LRFN2: variants seen among roughly 807,000 people sequenced by gnomAD.
The protein encoded by LRFN2 is leucine-rich repeat and fibronectin type-III domain-containing protein 2.
A neutral mutation model predicts 37.3 loss-of-function variants in LRFN2; 18 were observed. The observed-to-expected ratio is 0.48, with a 90% CI of 0.33 to 0.72. The LOEUF (loss-of-function observed/expected upper bound fraction) is 0.72, where lower values mean the gene tolerates loss of function less well. LRFN2 is among the 30% of genes least tolerant of loss of function. The pLI, the probability that LRFN2 is intolerant of heterozygous loss-of-function variation, is 0.02. For synonymous variants in LRFN2, 556 were observed against 466.6 expected (o/e 1.19, Z -2.47); for missense variants, 1,006 against 1,060.7 (o/e 0.95, Z 0.72).
At chr6:40,457,030 C>G (rs1482657856) in intron 1 of LRFN2, among the ~76,000 whole-genome samples, 1 of 152,088 alleles carries the variant, frequency 6.6e-6, no homozygotes, top group Non-Finnish European at 1.5e-5. Flanking sequence ...TCCAACCATC[C>G]CAAACCACCT....
Position 40,392,881 on chromosome 6 carries a change from C to A in LRFN2, c.1432G>T (p.Val478Phe). 6.2e-7 allele frequency: 1 copy of A among 1,612,106 alleles called. No homozygotes were observed. The highest frequency in any genetic ancestry group is 8.5e-7 in the Non-Finnish European group (1 of 1,179,082). ...CCAGTCCCTGACACCAGGTTGTTGA[C>A]CACGAAGGCCTTGTTGGAGGCTGGG... ...MIPASNKAFV[V>F]NNLVSGTGYD... The change falls in exon 3 of 3, where the codon GTC becomes TTC. Residue 478 changes from valine (V) to phenylalanine (F), a missense_variant. Physicochemically the swap from Val to Phe is conservative, Grantham distance 50. Coordinates refer to ENST00000338305, the MANE Select transcript of LRFN2 (RefSeq NM_020737.3). The surrounding 1 kb of genome is among the most constrained non-coding windows in gnomAD (Gnocchi z 4.7).
rs571947610 is a variant in LRFN2 at position 40,431,708 on chromosome 6, G to T, written c.1400+6C>A. 2.5e-5 allele frequency: 37 copies of T among 1,501,838 alleles called. No individual in the cohort carries two copies. The East Asian group carries it at 7.2e-4, about 29-fold the overall frequency. 93.0% of individuals were successfully genotyped at this position (1,501,838 alleles called of 1,614,324 possible). ...CTCCCTGCCTTTGCCACAGCCGCTT[G>T]CTCACCTGTAAATCAGTACCTCATC... On this transcript the variant is annotated splice_donor_region_variant and intron_variant, in intron 2 of 2. Coordinates refer to ENST00000338305, the MANE Select transcript of LRFN2 (RefSeq NM_020737.3).
intron 1 of LRFN2, among the ~76,000 whole-genome samples, chr6:40,565,432 T>A (rs1407882615): frequency 1.3e-5 from 2 of 152,234 alleles, no homozygotes; most frequent in East Asian, 3.9e-4. Context: ...GCCAAGTCAA[T>A]CCTAAGCCAA....
intron 1 of LRFN2, among the ~76,000 whole-genome samples, chr6:40,470,134 A>G (rs1764558464): frequency 6.6e-6 from 1 of 152,134 alleles, no homozygotes; most frequent in African/African-American, 2.4e-5. Flanking sequence ...ACATCTCCCC[A>G]TCCTGCCTGC....
intron 2 of LRFN2, among the ~76,000 whole-genome samples, chr6:40,411,600 C>G (rs990221274): frequency 1.3e-5 from 2 of 152,182 alleles, no homozygotes; most frequent in African/African-American, 4.8e-5. Flanking sequence ...TTCAGCCACC[C>G]TGGCCTCTTC....
At chr6:40,435,155 G>C (rs1406365794) in intron 1 of LRFN2, among the ~76,000 whole-genome samples, 11 of 64,856 alleles carry the variant, frequency 1.7e-4, no homozygotes, top group African/African-American at 3.1e-4. Flanking sequence ...TATATATACA[G>C]AGAGAGAGAG....
chr6:40,499,261 A>T (rs1395575401), intron 1 of LRFN2, among the ~76,000 whole-genome samples: 1 of 152,148 alleles, frequency 6.6e-6, no homozygotes. Context: ...CCATCTCCCC[A>T]GCCCTGATGA....
At chr6:40,543,314 A>G (rs1419387675) in intron 1 of LRFN2, among the ~76,000 whole-genome samples, 1 of 152,236 alleles carries the variant, frequency 6.6e-6, no homozygotes, top group African/African-American at 2.4e-5. Flanking sequence ...CCCAGGACAC[A>G]CAGAAATTAT....
chr6:40,409,959 C>T (rs1038290006), intron 2 of LRFN2, among the ~76,000 whole-genome samples: 2 of 152,286 alleles, frequency 1.3e-5, no homozygotes, highest in East Asian at 1.9e-4. Flanking sequence ...CTCAGCACTT[C>T]GCTGGGCTGT....
At chr6:40,532,954 T>A (rs942629129) in intron 1 of LRFN2, among the ~76,000 whole-genome samples, 3 of 152,172 alleles carry the variant, frequency 2.0e-5, no homozygotes, top group African/African-American at 7.2e-5. Context: ...ATGGGTCAAG[T>A]ACCAAGAAGT....
rs12110865 is a variant in LRFN2 at position 40,455,264 on chromosome 6, C to A, written c.-18-22133G>T. ...ATGCAATGCCTGTGCATCTCTGAGA[C>A]TACTTTGCACCACTCTACCAAACAC... On this transcript the variant is annotated intron_variant, in intron 1 of 2. Transcript: ENST00000338305. Among the ~76,000 whole-genome samples the A allele has an allele frequency of 8.9e-4, 135 of 152,344 alleles. 1 individual carries two copies. Among genetic ancestry groups the A allele is most frequent in the African/African-American group, 3.2e-3 (133 of 41,590 alleles).
intron 1 of LRFN2, among the ~76,000 whole-genome samples, chr6:40,553,191 C>T (rs943003364): frequency 2.0e-5 from 3 of 152,150 alleles, no homozygotes; most frequent in African/African-American, 7.2e-5. Context: ...AGAAAGAAGC[C>T]TCTAGGTGGC....
At chr6:40,442,961 G>A (rs1763875447) in intron 1 of LRFN2, among the ~76,000 whole-genome samples, 1 of 152,188 alleles carries the variant, frequency 6.6e-6, no homozygotes, top group South Asian at 2.1e-4. Context: ...GTTATTATGT[G>A]TGTGGTGTAA....
intron 1 of LRFN2, among the ~76,000 whole-genome samples, chr6:40,434,330 T>G (rs1226412391): frequency 6.6e-6 from 1 of 152,212 alleles, no homozygotes; most frequent in Non-Finnish European, 1.5e-5. Flanking sequence ...TCCCATGTTG[T>G]ACTAAATGTG....
At chr6:40,495,981 A>G (rs998993258) in intron 1 of LRFN2, among the ~76,000 whole-genome samples, 3 of 152,144 alleles carry the variant, frequency 2.0e-5, no homozygotes, top group African/African-American at 7.2e-5. Context: ...ACAGAAAAAT[A>G]CATTCCCTCT....
chr6:40,403,433 G>C lies in LRFN2; in HGVS notation c.1401-10521C>G, dbSNP rs529283471. 6.7e-3 allele frequency among the ~76,000 whole-genome samples: 1,022 copies of C among 152,288 alleles called. 2 individuals are homozygous for C. Among genetic ancestry groups the C allele is most frequent in the Non-Finnish European group, 0.012 (798 of 68,032 alleles). The stretch of plus-strand genomic sequence containing the variant: ...TGGGGCCAGGGACCAGAGGCCTGGG[G>C]TTGGGGGCTGGCCTCTGTCCCTGTT... On this transcript the variant is annotated intron_variant, in intron 2 of 2. Transcript: ENST00000338305.
At chr6:40,448,954 T>C (rs1035387199) in intron 1 of LRFN2, among the ~76,000 whole-genome samples, 2 of 152,152 alleles carry the variant, frequency 1.3e-5, no homozygotes, top group Non-Finnish European at 2.9e-5. Flanking sequence ...GAAGTCAGGC[T>C]AGGGGCTCAG....
At chr6:40,584,386 C>G (rs547867433) in intron 1 of LRFN2, among the ~76,000 whole-genome samples, 1 of 152,286 alleles carries the variant, frequency 6.6e-6, no homozygotes, top group African/African-American at 2.4e-5. Context: ...GAATTTGAAC[C>G]CAGGCCACCC....
chr6:40,503,420 A>G (rs2113877883), intron 1 of LRFN2, among the ~76,000 whole-genome samples: 1 of 152,286 alleles, frequency 6.6e-6, no homozygotes, highest in East Asian at 1.9e-4. Flanking sequence ...TTAGCTGCTC[A>G]CTGGTGCAGC....
Sources: allele counts gnomAD v4.1 joint callset (sites outside exome capture counted in the v4.1 genomes callset), GRCh38; gene constraint gnomAD v4.1.1; non-coding constraint Gnocchi (gnomAD v3.1); transcripts MANE v1.5; gene names NCBI Gene and HGNC (gene_info 2026-07-23, HGNC 2026-07-21).